Variants in PARD3 observed in about 807,000 individuals in gnomAD.
PARD3 encodes the protein par-3 family cell polarity regulator, also known as partitioning defective 3 homolog.
In PARD3, 75 loss-of-function variants were observed where a neutral mutation model predicts 155.4. The ratio of observed to expected loss-of-function variants is 0.48; its 90% CI spans 0.40 to 0.58. The LOEUF (loss-of-function observed/expected upper bound fraction) is 0.58, where lower values mean the gene tolerates loss of function less well. Among genes scored for constraint, PARD3 ranks in the 20% least tolerant of loss-of-function variants. The probability of loss-of-function intolerance (pLI) is 0.00; values close to 1 mark genes in which losing one functional copy is unlikely to be tolerated. For missense variants in PARD3, 1,642 were observed against 1,721.7 expected, an observed-to-expected ratio of 0.95 and a Z score of 0.82; for synonymous variants, 576 against 610.5, an observed-to-expected ratio of 0.94 and a Z score of 0.83.
Position 34,666,806 on chromosome 10 carries a change from TATATATATATACACAC to T in PARD3, c.222+29496_222+29511del, listed in dbSNP as rs1315582676. Among the ~76,000 whole-genome samples the T allele has an allele frequency of 1.7e-3, 82 of 47,498 alleles. 2 individuals are homozygous for T. Among genetic ancestry groups the T allele is most frequent in the African/African-American group, 6.2e-3 (81 of 13,144 alleles). The allele number at this position is 47,498 out of a possible 152,430, so 31.2% of individuals were successfully genotyped here. A position where few individuals can be genotyped will look rare whatever the true frequency, so the allele number is the denominator to read the frequency against. ...AAAAAAAAAAAAAAAAATATATATA[TATATATATATACACAC>T]ACACACACACACACAAACATACATT... On this transcript the variant is annotated intron_variant, in intron 2 of 24. Transcript: ENST00000374788.
At chr10:34,650,878 G>A (rs1473759535) in intron 2 of PARD3, among the ~76,000 whole-genome samples, 1 of 151,970 alleles carries the variant, frequency 6.6e-6, no homozygotes, top group African/African-American at 2.4e-5. Context: ...TGGCATGGTG[G>A]CATATGCCTG....
intron 1 of PARD3, among the ~76,000 whole-genome samples, chr10:34,720,986 TAAAAG>T (rs2094598273): frequency 4.6e-5 from 7 of 152,108 alleles, no homozygotes; most frequent in Admixed American, 4.6e-4. Context: ...CATGATGAAA[TAAAAG>T]AAAACACTTT....
chr10:34,320,850 T>C (rs1958327404), intron 19 of PARD3, among the ~76,000 whole-genome samples: 1 of 152,218 alleles, frequency 6.6e-6, no homozygotes, highest in African/African-American at 2.4e-5. Flanking sequence ...CTAAATTAGA[T>C]AATACATTAT....
chr10:34,155,742 C>T (rs934125225), intron 22 of PARD3, among the ~76,000 whole-genome samples: 38 of 149,718 alleles, frequency 2.5e-4, no homozygotes, highest in Admixed American at 2.1e-3. Context: ...ATTTTGCTCT[C>T]GTGGCAGCAA....
intron 22 of PARD3, among the ~76,000 whole-genome samples, chr10:34,246,964 G>A (rs906609961): frequency 2.0e-5 from 3 of 152,264 alleles, no homozygotes; most frequent in African/African-American, 4.8e-5. Context: ...GTGCATGCCT[G>A]TAGTCCCAGC....
chr10:34,178,876 T>C (rs919467582), intron 22 of PARD3, among the ~76,000 whole-genome samples: 1 of 152,126 alleles, frequency 6.6e-6, no homozygotes, highest in Non-Finnish European at 1.5e-5. Context: ...AGTGATGGAA[T>C]TGAGGTTCCA....
At chr10:34,516,538 A>G (rs996441867) in intron 3 of PARD3, among the ~76,000 whole-genome samples, 2 of 152,164 alleles carry the variant, frequency 1.3e-5, no homozygotes, top group African/African-American at 4.8e-5. Flanking sequence ...ATCCCTGAAG[A>G]TAACTTTGAC....
chr10:34,286,289 T>A (rs138363460), intron 20 of PARD3, among the ~76,000 whole-genome samples: 19 of 152,360 alleles, frequency 1.2e-4, no homozygotes, highest in African/African-American at 3.4e-4. Context: ...ACACCCAGGC[T>A]ATAAACAGTA....
At chr10:34,730,959 G>A (rs966662233) in intron 1 of PARD3, among the ~76,000 whole-genome samples, 2 of 151,980 alleles carry the variant, frequency 1.3e-5, no homozygotes, top group African/African-American at 2.4e-5. Flanking sequence ...AATTTGACCC[G>A]GTTATATAGC....
chr10:34,238,505 C>T (rs985739108), intron 22 of PARD3, among the ~76,000 whole-genome samples: 1 of 152,044 alleles, frequency 6.6e-6, no homozygotes, highest in African/African-American at 2.4e-5. Flanking sequence ...CCCTTAGTCC[C>T]AAACATCTCC....
chr10:34,797,495 T>C (rs1014795420), intron 1 of PARD3, among the ~76,000 whole-genome samples: 4 of 152,184 alleles, frequency 2.6e-5, no homozygotes, highest in African/African-American at 4.8e-5. Context: ...CTTACCTACT[T>C]TGTGAAAGTG....
intron 3 of PARD3, among the ~76,000 whole-genome samples, chr10:34,504,134 A>ATT (rs374290812): frequency 6.8e-6 from 1 of 147,604 alleles, no homozygotes; most frequent in African/African-American, 2.5e-5. Flanking sequence ...GAGCCCCCAG[A>ATT]TTTTTTTTTT....
At chr10:34,415,814 C>A (rs1845613692) in intron 5 of PARD3, among the ~76,000 whole-genome samples, 1 of 152,162 alleles carries the variant, frequency 6.6e-6, no homozygotes, top group South Asian at 2.1e-4. Context: ...TGGTGTTTTA[C>A]AAGTATACCT....
chr10:34,697,017 CACAT>C (rs1047317463), intron 1 of PARD3, among the ~76,000 whole-genome samples: 5 of 148,854 alleles, frequency 3.4e-5, no homozygotes, highest in East Asian at 1.9e-4. Flanking sequence ...CACACACACA[CACAT>C]ATTAAAATGC....
At chr10:34,330,990 T>C in intron 19 of PARD3, 127 bp downstream of exon 19, 1 of 671,140 alleles carries the variant, frequency 1.5e-6, no homozygotes, top group East Asian at 2.7e-5. Flanking sequence ...AAATAAGAGA[T>C]TATTAGACCT....
At chr10:34,550,915 G>A (rs1313712835) in intron 2 of PARD3, among the ~76,000 whole-genome samples, 1 of 152,058 alleles carries the variant, frequency 6.6e-6, no homozygotes, top group Admixed American at 6.5e-5. Flanking sequence ...ACAGTGTTTC[G>A]TATTACATAT....
chr10:34,158,881 T>C (rs967305182), intron 22 of PARD3, among the ~76,000 whole-genome samples: 6 of 152,170 alleles, frequency 3.9e-5, no homozygotes, highest in African/African-American at 1.4e-4. Flanking sequence ...CTTGAACCTA[T>C]CAAAGATGGG....
intron 18 of PARD3, among the ~76,000 whole-genome samples, chr10:34,331,876 C>T (rs942755811): frequency 2.6e-5 from 4 of 152,086 alleles, no homozygotes; most frequent in Non-Finnish European, 5.9e-5. Flanking sequence ...AGTAAGACCA[C>T]GGGGGCCAAC....
intron 5 of PARD3, among the ~76,000 whole-genome samples, chr10:34,411,001 T>TA (rs143401746): frequency 0.044 from 6,650 of 152,312 alleles, 470 homozygotes; most frequent in African/African-American, 0.15. Flanking sequence ...CATGTTGTGC[T>TA]AAGAGTAATA....
Sources: gnomAD v4.1 joint callset for allele counts (sites outside exome capture counted in the v4.1 genomes callset) on GRCh38, gnomAD v4.1.1 for gene constraint, MANE v1.5 for transcripts, NCBI Gene and HGNC (gene_info 2026-07-23, HGNC 2026-07-21) for gene names.